PPARD: variants seen among roughly 807,000 people sequenced by gnomAD.
The protein encoded by PPARD is peroxisome proliferator activated receptor delta, also known as peroxisome proliferator-activated receptor delta.
A neutral mutation model predicts 39.5 loss-of-function variants in PPARD; 6 were observed. The ratio of observed to expected loss-of-function variants is 0.15; its 90% confidence interval spans 0.08 to 0.30. The LOEUF is 0.30. Ranked by LOEUF, PPARD falls within the 10% of genes least tolerant of loss-of-function variation. The pLI is 1.00. For synonymous variants in PPARD, 210 were observed against 231.3 expected (o/e 0.91, Z 0.83); for missense variants, 397 against 596.8 (o/e 0.67, Z 3.49).
chr6:35,384,208 G>T (rs1207513792), intron 2 of PPARD, among the ~76,000 whole-genome samples: 1 of 142,626 alleles, frequency 7.0e-6, no homozygotes, highest in African/African-American at 2.7e-5. Flanking sequence ...CGTCCGGGAG[G>T]GAGGTGGGGG....
At chr6:35,416,549 T>TG (rs1216203905) in intron 3 of PPARD, among the ~76,000 whole-genome samples, 1 of 152,104 alleles carries the variant, frequency 6.6e-6, no homozygotes, top group Admixed American at 6.6e-5. Context: ...GCCTGTAAAG[T>TG]GGGGGTAAGA....
intron 2 of PPARD, among the ~76,000 whole-genome samples, chr6:35,357,521 T>A (rs1761683597): frequency 6.6e-6 from 1 of 151,520 alleles, no homozygotes; most frequent in Admixed American, 6.6e-5. Flanking sequence ...TCCGTAAAAT[T>A]AACTCTCCAC....
At chr6:35,383,754 CG>C (rs1208204227) in intron 2 of PPARD, among the ~76,000 whole-genome samples, 3 of 144,320 alleles carry the variant, frequency 2.1e-5, no homozygotes, top group Non-Finnish European at 4.5e-5. Context: ...ATCTCTGCCC[CG>C]CCGCCCCGTC....
chr6:35,415,766 GAGA>G (rs1765715230), intron 3 of PPARD, among the ~76,000 whole-genome samples: 1 of 151,914 alleles, frequency 6.6e-6, no homozygotes. Flanking sequence ...GGGTTCTCCA[GAGA>G]AGGAGAACCT....
chr6:35,412,559 C>T lies in PPARD; in HGVS notation c.130+1342C>T, dbSNP rs1389543844. Among the ~76,000 whole-genome samples the T allele has an allele frequency of 2.0e-5, 3 of 152,194 alleles. No individual in the cohort carries two copies. Among genetic ancestry groups the T allele is most frequent in the Non-Finnish European group, 2.9e-5 (2 of 68,040 alleles). ...TAGCGCAGGCTCCTGTTTGGGTCTG[C>T]AGCTAAGATGGGTCTGAATCCTGGA... On this transcript the variant is annotated intron_variant, in intron 3 of 7. Transcript: ENST00000360694. This position sits in a 1 kb window ranked among gnomAD's most constrained non-coding sequence, Gnocchi z 4.1.
At chr6:35,422,799 G>A (rs537592536) in intron 5 of PPARD, among the ~76,000 whole-genome samples, 13 of 152,166 alleles carry the variant, frequency 8.5e-5, no homozygotes, top group African/African-American at 2.4e-4. Context: ...AGGAGAAGTC[G>A]AATTCGTATC....
At chr6:35,423,256 T>C (rs532998826) in intron 5 of PPARD, among the ~76,000 whole-genome samples, 1 of 150,284 alleles carries the variant, frequency 6.7e-6, no homozygotes, top group African/African-American at 2.5e-5. Flanking sequence ...AGGCTGGGCA[T>C]GGTGGCACAT....
chr6:35,399,370 A>G (rs1161938166), intron 2 of PPARD, among the ~76,000 whole-genome samples: 1 of 136,468 alleles, frequency 7.3e-6, no homozygotes, highest in East Asian at 2.2e-4. Context: ...ACTATACTCC[A>G]GCCTGGACGA....
chr6:35,370,708 AG>A (rs1223527564), intron 2 of PPARD, among the ~76,000 whole-genome samples: 1 of 152,226 alleles, frequency 6.6e-6, no homozygotes, highest in Non-Finnish European at 1.5e-5. Flanking sequence ...CCCAGGTCAC[AG>A]CAGCAGCCTC....
chr6:35,415,714 T>A (rs1765709648), intron 3 of PPARD, among the ~76,000 whole-genome samples: 3 of 151,598 alleles, frequency 2.0e-5, no homozygotes. Flanking sequence ...AGGAATTGCA[T>A]GGTTCTAGGT....
At position 35,363,940 on chromosome 6, in the gene PPARD, ATATAT is replaced by A. The variant is rs1207907392; in HGVS notation, c.-102+16798_-102+16802del. 2.1e-4 allele frequency among the ~76,000 whole-genome samples: 31 copies of A among 149,626 alleles called. No homozygotes were observed. Among genetic ancestry groups the A allele is most frequent in the Admixed American group, 5.4e-4 (8 of 14,948 alleles). The stretch of plus-strand genomic sequence containing the variant: ...TATATTATATTAAATTAATATATTT[ATATAT>A]TATATTAACGGTTTTATATATTATT... On this transcript the variant is annotated intron_variant, in intron 2 of 7. Transcript: ENST00000360694. The surrounding 1 kb of genome is among the most constrained non-coding windows in gnomAD (Gnocchi z 4.5).
At chr6:35,383,918 A>C (rs1763338967) in intron 2 of PPARD, among the ~76,000 whole-genome samples, 4 of 135,606 alleles carry the variant, frequency 2.9e-5, no homozygotes, top group East Asian at 2.2e-4. Context: ...CCCGGCAGCC[A>C]CCCCGTCCGG....
At chr6:35,394,817 A>G (rs1764220821) in intron 2 of PPARD, among the ~76,000 whole-genome samples, 1 of 151,870 alleles carries the variant, frequency 6.6e-6, no homozygotes, top group Non-Finnish European at 1.5e-5. Flanking sequence ...AGCAATAAAA[A>G]AAGTAGAAAT....
At position 35,412,627 on chromosome 6, in the gene PPARD, CAGA is replaced by C. The variant is rs1319833048; in HGVS notation, c.130+1413_130+1415del. Among the ~76,000 whole-genome samples, 1 of 152,162 alleles carries C rather than the reference CAGA, an allele frequency of 6.6e-6. No individual in the cohort carries two copies. Among genetic ancestry groups the C allele is most frequent in the Non-Finnish European group, 1.5e-5 (1 of 68,040 alleles). ...CTGCAAAGCAAGTCCCAGAATTTTG[CAGA>C]AGTTCTTCCTCTTCAGTGTATAGAG... On this transcript the variant is annotated intron_variant, in intron 3 of 7. Transcript: ENST00000360694. This position sits in a 1 kb window ranked among gnomAD's most constrained non-coding sequence, Gnocchi z 4.1.
At chr6:35,370,974 G>A (rs964756350) in intron 2 of PPARD, among the ~76,000 whole-genome samples, 9 of 152,194 alleles carry the variant, frequency 5.9e-5, no homozygotes, top group African/African-American at 2.2e-4. Flanking sequence ...TTTCCCTTGG[G>A]GTTTCTTCCA....
chr6:35,346,805 T>G (rs1374104298), intron 1 of PPARD, among the ~76,000 whole-genome samples: 1 of 152,260 alleles, frequency 6.6e-6, no homozygotes, highest in Non-Finnish European at 1.5e-5. Context: ...TTACCTTGCC[T>G]GCGCCTTCTG....
intron 2 of PPARD, chr6:35,348,642 A>C: frequency 2.3e-5 from 23 of 985,344 alleles, no homozygotes; most frequent in Non-Finnish European, 2.4e-5. Flanking sequence ...AACACCCTGC[A>C]GGTTTTCCTG....
In PPARD at chr6:35,420,241, C is replaced by T; in HGVS notation, c.245C>T (p.Ser82Leu). 6.2e-7 allele frequency: 1 copy of T among 1,603,970 alleles called. No homozygotes were observed. Among genetic ancestry groups the T allele is most frequent in the Non-Finnish European group, 8.5e-7 (1 of 1,174,970 alleles). The change falls in exon 4 of 8, where the codon TCG (serine) becomes TTG (leucine). Residue 82 changes from serine to leucine, a missense_variant. Coordinates refer to ENST00000360694, the MANE Select transcript of PPARD (RefSeq NM_006238.5). ...MECRVCGDKA[S>L]GFHYGVHACE... ...TGCCGGGTGTGCGGGGACAAGGCAT[C>T]GGGCTTCCACTACGGTGTTCATGCA...
chr6:35,359,386 C>T (rs529575796), intron 2 of PPARD, among the ~76,000 whole-genome samples: 32 of 152,250 alleles, frequency 2.1e-4, no homozygotes, highest in African/African-American at 6.7e-4. Flanking sequence ...CAAACATAGT[C>T]ACTTAAAAAT....
Sources: gnomAD v4.1 joint callset for allele counts (sites outside exome capture counted in the v4.1 genomes callset) on GRCh38, gnomAD v4.1.1 for gene constraint, Gnocchi (gnomAD v3.1) non-coding constraint, MANE v1.5 for transcripts, NCBI Gene and HGNC (gene_info 2026-07-23, HGNC 2026-07-21) for gene names.